Variants in DIPK1A observed in about 807,000 individuals in gnomAD.
DIPK1A encodes divergent protein kinase domain 1A.
DIPK1A carries 27 observed loss-of-function variants against 40.8 expected under a neutral mutation model. The ratio of observed to expected loss-of-function variants is 0.66; its 90% confidence interval spans 0.49 to 0.91. The LOEUF is 0.91. DIPK1A is among the 40% of genes least tolerant of loss of function. The probability of loss-of-function intolerance (pLI) is 0.00; values close to 1 mark genes in which losing one functional copy is unlikely to be tolerated. For missense variants in DIPK1A, 412 were observed against 505.7 expected (o/e 0.81, Z 1.78); for synonymous variants, 166 against 171.3 (o/e 0.97, Z 0.24).
In DIPK1A at chr1:92,835,724, C is replaced by T. The variant is rs151195498; in HGVS notation, c.475-2690G>A. On this transcript the variant is annotated intron_variant, in intron 4 of 4. Transcript: ENST00000615519. ...GAGAGTGGCCATTGACGGGAAGATT[C>T]ATTTTTGTTTTAAACATTTTTCCTG... 4.4e-3 allele frequency among the ~76,000 whole-genome samples: 653 copies of T among 149,782 alleles called. 6 individuals are homozygous for T. The highest frequency in any genetic ancestry group is 0.015 in the African/African-American group (631 of 40,852).
intron 1 of DIPK1A, among the ~76,000 whole-genome samples, chr1:92,887,849 C>T (rs1275321925): frequency 6.6e-6 from 1 of 152,056 alleles, no homozygotes; most frequent in Non-Finnish European, 1.5e-5. Flanking sequence ...GAGAAGCAGG[C>T]TTTGAATGGA....
chr1:92,949,819 G>C (rs1651558178), intron 1 of DIPK1A, among the ~76,000 whole-genome samples: 2 of 152,162 alleles, frequency 1.3e-5, no homozygotes, highest in African/African-American at 4.8e-5. Flanking sequence ...CATTCTTTCA[G>C]ATAAGGAATT....
At chr1:92,896,052 T>C (rs1649150102) in intron 1 of DIPK1A, among the ~76,000 whole-genome samples, 1 of 152,082 alleles carries the variant, frequency 6.6e-6, no homozygotes, top group South Asian at 2.1e-4. Flanking sequence ...GTAGGAAGAA[T>C]CAATATCGTA....
chr1:92,943,504 T>G (rs913257713), intron 1 of DIPK1A, among the ~76,000 whole-genome samples: 5 of 152,254 alleles, frequency 3.3e-5, no homozygotes, highest in African/African-American at 1.2e-4. Context: ...ACTGCACTGG[T>G]TGGCACCCCC....
chr1:92,891,353 C>A (rs1165249228), intron 1 of DIPK1A, among the ~76,000 whole-genome samples: 2 of 151,286 alleles, frequency 1.3e-5, no homozygotes, highest in Non-Finnish European at 2.9e-5. Flanking sequence ...TTGGTTTATT[C>A]TTGCTTTTCT....
intron 1 of DIPK1A, among the ~76,000 whole-genome samples, chr1:92,894,268 T>C (rs4448523): frequency 6.6e-6 from 1 of 151,790 alleles, no homozygotes; most frequent in Non-Finnish European, 1.5e-5. Context: ...GCACTCCTCA[T>C]CAAATGGAAA....
chr1:92,841,677 A>G, downstream of DIPK1A: 1 of 803,364 alleles, frequency 1.2e-6, no homozygotes, highest in Middle Eastern at 4.1e-4. Flanking sequence ...AATATTCTCT[A>G]TCAAAATTAA....
intron 1 of DIPK1A, among the ~76,000 whole-genome samples, chr1:92,954,778 A>C (rs2100919879): frequency 6.6e-6 from 1 of 152,314 alleles, no homozygotes; most frequent in South Asian, 2.1e-4. Flanking sequence ...AAACAATAAA[A>C]TGTACCTAAC....
At chr1:92,859,153 C>T (rs1688086448) in intron 2 of DIPK1A, among the ~76,000 whole-genome samples, 1 of 152,026 alleles carries the variant, frequency 6.6e-6, no homozygotes, top group African/African-American at 2.4e-5. Context: ...TGTATACTAC[C>T]AGGTTTTAAG....
rs558398322 is a variant in DIPK1A at position 92,942,906 on chromosome 1, G to A, written c.54+18470C>T. ...TCTCGAACTCCTGACCTCATGATTC[G>A]CCCGCCTCGGCCTCCCAAAGTGTTG... is the stretch of plus-strand genomic sequence containing the variant. On this transcript the variant is annotated intron_variant, in intron 1 of 4. Transcript: ENST00000370310. 9.2e-5 allele frequency among the ~76,000 whole-genome samples: 14 copies of A among 152,226 alleles called. 1 individual carries two copies. In the East Asian group the frequency reaches 1.7e-3, roughly 19 times the overall value.
intron 2 of DIPK1A, among the ~76,000 whole-genome samples, chr1:92,858,955 G>C (rs1262251968): frequency 6.6e-6 from 1 of 152,116 alleles, no homozygotes; most frequent in Non-Finnish European, 1.5e-5. Flanking sequence ...AAACATCAAA[G>C]GTTTTTCCTG....
intron 1 of DIPK1A, among the ~76,000 whole-genome samples, chr1:92,939,265 A>G (rs912162505): frequency 1.3e-5 from 2 of 152,202 alleles, no homozygotes; most frequent in African/African-American, 4.8e-5. Context: ...GACATTTATA[A>G]CCAAATACTA....
chr1:92,926,767 T>C (rs189578003), intron 1 of DIPK1A, among the ~76,000 whole-genome samples: 267 of 152,390 alleles, frequency 1.8e-3, no homozygotes, highest in Non-Finnish European at 2.9e-3. Context: ...TGTTTATCTC[T>C]GGTAGTACTC....
Position 92,842,727 on chromosome 1 carries a change from C to T in DIPK1A, c.*656G>A, listed in dbSNP as rs1246453550. ...TGATACTAAGATGGGCCCTTTGAAT[C>T]TTTAGGAAAGTTCATCCATTTTTAG... is the stretch of plus-strand genomic sequence containing the variant. On this transcript the variant is annotated 3_prime_UTR_variant, in exon 5 of 5. Transcript: ENST00000370310. 2.0e-6 allele frequency: 2 copies of T among 985,278 alleles called. No homozygotes were observed. The highest frequency in any genetic ancestry group is 3.5e-5 in the African/African-American group (2 of 57,210). The allele number at this position is 985,278 out of a possible 1,614,324, so 61.0% of individuals were successfully genotyped here.
chr1:92,927,179 G>C (rs1650547376), intron 1 of DIPK1A, among the ~76,000 whole-genome samples: 1 of 151,976 alleles, frequency 6.6e-6, no homozygotes, highest in African/African-American at 2.4e-5. Context: ...AGAATTCAAT[G>C]TTTTGTTGTT....
chr1:92,960,455 G>A (rs183118580), intron 1 of DIPK1A, among the ~76,000 whole-genome samples: 2 of 152,232 alleles, frequency 1.3e-5, no homozygotes, highest in East Asian at 3.9e-4. Flanking sequence ...GCTGACCCAC[G>A]CAAGGCATTG....
chr1:92,846,534 C>T (rs751286903), intron 4 of DIPK1A: 3 of 401,404 alleles, frequency 7.5e-6, no homozygotes, highest in South Asian at 3.5e-5. Context: ...CTGTACAGCA[C>T]TCCAATTAAT....
intron 1 of DIPK1A, among the ~76,000 whole-genome samples, chr1:92,883,175 G>A (rs1648454137): frequency 6.6e-6 from 1 of 152,154 alleles, no homozygotes; most frequent in Admixed American, 6.5e-5. Context: ...AACATAAAAG[G>A]CATCTCTAGG....
intron 1 of DIPK1A, among the ~76,000 whole-genome samples, chr1:92,896,862 C>G (rs1448670550): frequency 2.0e-5 from 3 of 149,988 alleles, no homozygotes; most frequent in Non-Finnish European, 4.5e-5. Flanking sequence ...ACAGACACTT[C>G]TCAAAAGAAG....
Sources: allele counts gnomAD v4.1 joint callset (sites outside exome capture counted in the v4.1 genomes callset), GRCh38; gene constraint gnomAD v4.1.1; transcripts MANE v1.5; gene names NCBI Gene and HGNC (gene_info 2026-07-23, HGNC 2026-07-21).